PKD1L3: variants seen among roughly 807,000 people sequenced by gnomAD.
The protein encoded by PKD1L3 is polycystin-1-like protein 3.
Under a neutral mutation model 184.1 loss-of-function variants are expected in PKD1L3, and 239 were observed. The ratio of observed to expected loss-of-function variants is 1.30; its 90% CI spans 1.17 to 1.45. PKD1L3 has a LOEUF of 1.45. Among genes scored for constraint, PKD1L3 ranks in the 40% most tolerant of loss-of-function variants. The pLI, the probability that PKD1L3 is intolerant of heterozygous loss-of-function variation, is 0.00. For synonymous variants in PKD1L3, 996 were observed against 778.8 expected (o/e 1.28, Z -4.64); for missense variants, 2,660 against 2,067.2 (o/e 1.29, Z -5.56).
intron 28 of PKD1L3, chr16:71,931,235 A>T (rs2037950546): frequency 2.6e-5 from 4 of 152,042 alleles, no homozygotes; most frequent in African/African-American, 9.7e-5. Flanking sequence ...CAGCTTTAGG[A>T]TACGAAGTGC....
At chr16:71,953,204 G>C in intron 17 of PKD1L3, 111 bp from the exon 18 acceptor site, 1 of 896,674 alleles carries the variant, frequency 1.1e-6, no homozygotes, top group Non-Finnish European at 1.6e-6. Flanking sequence ...CGTTTATCTA[G>C]AGATAAAATT....
chr16:71,942,269 G>A (rs1270940790), intron 24 of PKD1L3, among the ~76,000 whole-genome samples: 4 of 152,094 alleles, frequency 2.6e-5, no homozygotes, highest in Admixed American at 6.6e-5. Flanking sequence ...GGAGGCAGAG[G>A]GTACAGAGAG....
intron 16 of PKD1L3, among the ~76,000 whole-genome samples, chr16:71,959,336 G>T (rs8046703): frequency 6.6e-6 from 1 of 151,862 alleles, no homozygotes; most frequent in Non-Finnish European, 1.5e-5. Flanking sequence ...CTTGAACCTG[G>T]GAGGTGGAGG....
intron 3 of PKD1L3, 35 bp downstream of exon 3, chr16:71,993,181 G>C (rs1472732426): frequency 7.1e-7 from 1 of 1,401,514 alleles, no homozygotes; most frequent in African/African-American, 1.5e-5. Context: ...TTGATTCCAC[G>C]GATTTTTAAG....
At chr16:71,935,316 C>T (rs2038135572) in intron 26 of PKD1L3, 42 bp downstream of exon 26, 8 of 1,521,008 alleles carry the variant, frequency 5.3e-6, no homozygotes, top group Non-Finnish European at 7.1e-6. Flanking sequence ...AAACTTTAGA[C>T]ATGAGGTAGG....
chr16:71,987,816 T>C (rs2040431967), intron 4 of PKD1L3, among the ~76,000 whole-genome samples: 1 of 152,094 alleles, frequency 6.6e-6, no homozygotes, highest in Non-Finnish European at 1.5e-5. Context: ...GGGACATTTT[T>C]GCTGAGTTGA....
rs1316407269 is a variant in PKD1L3, at chr16:71,977,559, T to TTC, written c.1528-93_1528-92insGA. On this transcript the variant is annotated intron_variant, in intron 10 of 29. Coordinates refer to ENST00000620267, the MANE Select transcript of PKD1L3 (RefSeq NM_181536.2). The stretch of plus-strand genomic sequence containing the variant: ...TGATAAGGTAAGGAAACGTCCTAGC[T>TTC]CTTTTTTTTTTTTTTTTTTTTGAGA... 48 of 700,922 alleles carry TTC rather than the reference T, an allele frequency of 6.8e-5. 1 individual carries two copies. The highest frequency in any genetic ancestry group is 3.8e-4 in the Middle Eastern group (1 of 2,660). The allele number at this position is 700,922 out of a possible 1,614,324, so 43.4% of individuals were successfully genotyped here.
chr16:71,931,359 G>A (rs1408419163), intron 28 of PKD1L3, among the ~76,000 whole-genome samples: 3 of 151,828 alleles, frequency 2.0e-5, no homozygotes, highest in Admixed American at 6.6e-5. Context: ...AGAGATTGGC[G>A]CCAGGGCCCC....
chr16:71,929,554 A>G lies in PKD1L3; in HGVS notation c.5183T>C (p.Leu1728Ser). ...TTAVGSDTEVLDELP is the reference protein window; with the variant it reads ...TTAVGSDTEVSDELP ...ATAACAGGATTAAGGTAGTTCATCT[A>G]AAACTTCAGTGTCACTGCCCACTGC... The change falls in exon 30 of 30, where the codon TTA becomes TCA. Residue 1728 changes from leucine to serine, a missense_variant. Leu to Ser is a moderately radical substitution (Grantham distance 145, BLOSUM62 -2). Transcript: ENST00000620267. The G allele has an allele frequency of 1.2e-5, 19 of 1,551,024 alleles. No individual in the cohort carries two copies. Among genetic ancestry groups the G allele is most frequent in the Non-Finnish European group, 1.6e-5 (18 of 1,146,806 alleles).
intron 28 of PKD1L3, among the ~76,000 whole-genome samples, chr16:71,932,780 C>CTTTTTTT (rs71153681): frequency 6.2e-5 from 6 of 97,092 alleles, no homozygotes; most frequent in African/African-American, 1.8e-4. Context: ...CGCACCTGGC[C>CTTTTTTT]TTTTTTTTTT....
At chr16:71,933,814 T>TACC in intron 27 of PKD1L3, 101 bp downstream of exon 27, 2 of 1,305,546 alleles carry the variant, frequency 1.5e-6, no homozygotes, top group South Asian at 2.7e-5. Flanking sequence ...TTTCCTACTG[T>TACC]ACCACCTCGG....
rs1432960043 is a variant in PKD1L3 at position 71,999,865 on chromosome 16, G to A, written c.114C>T (p.Asn38=). The A allele has an allele frequency of 3.9e-6, 6 of 1,551,612 alleles. No individual in the cohort carries two copies. The African/African-American group carries it at 8.2e-5, about 21-fold the overall frequency. Residue 38 remains asparagine, a synonymous_variant, in exon 1 of 30, where the codon AAC becomes AAT. Transcript: ENST00000620267. The stretch of plus-strand genomic sequence containing the variant: ...CTTCCTCAAAGCTGCATTGAAATCT[G>A]TTAAGCTGGTAACAATTATTTTGCC... ...PHGQNNCYQL[N]RFQCSFEEAQ... is the part of the protein sequence containing the mutation.
At chr16:71,938,318 C>T (rs745793968) in intron 24 of PKD1L3, among the ~76,000 whole-genome samples, 9 of 152,318 alleles carry the variant, frequency 5.9e-5, no homozygotes, top group Admixed American at 3.9e-4. Flanking sequence ...ACTTTGGACA[C>T]GGACAAGCAT....
At chr16:71,943,358 A>G (rs2038429179) in intron 23 of PKD1L3, among the ~76,000 whole-genome samples, 1 of 151,892 alleles carries the variant, frequency 6.6e-6, no homozygotes, top group Non-Finnish European at 1.5e-5. Flanking sequence ...CCAACATAGT[A>G]AAACCCCCCC....
At position 71,933,440 on chromosome 16, in the gene PKD1L3, C is replaced by T; in HGVS notation, c.4906G>A (p.Gly1636Arg). ...TTTACCTCCTCTTGGTGAGAAATTC[C>T]CATCAGGAGACCAACAACAGTCACT... ...SAVTVVGLLMGISHQEEVFAL... is the reference protein window; with the variant it reads ...SAVTVVGLLMRISHQEEVFAL... The change falls in exon 28 of 30, where the codon GGA (glycine) becomes AGA (arginine). Residue 1636 changes from glycine to arginine, a missense_variant. Coordinates refer to ENST00000620267, the MANE Select transcript of PKD1L3 (RefSeq NM_181536.2). 1 of 1,548,238 alleles carries T rather than the reference C, an allele frequency of 6.5e-7. No homozygotes were observed. The highest frequency in any genetic ancestry group is 1.2e-5 in the South Asian group (1 of 83,990).
chr16:71,992,178 C>A (rs529285469), intron 3 of PKD1L3, among the ~76,000 whole-genome samples: 3 of 152,158 alleles, frequency 2.0e-5, no homozygotes, highest in Admixed American at 2.0e-4. Flanking sequence ...AGATCCAGCC[C>A]GCAAACTTTT....
intron 10 of PKD1L3, 98 bp from the exon 11 acceptor site, chr16:71,977,565 T>A: frequency 1.1e-6 from 1 of 875,776 alleles, no homozygotes; most frequent in Non-Finnish European, 1.7e-6. Context: ...TAGCTCTTTT[T>A]TTTTTTTTTT....
At chr16:71,930,979 A>C (rs571718913) in intron 28 of PKD1L3, 2 of 152,332 alleles carry the variant, frequency 1.3e-5, no homozygotes, top group African/African-American at 4.8e-5. Flanking sequence ...GATTATTATA[A>C]CAATTTCAGG....
chr16:71,961,462 A>G (rs1336739075), intron 16 of PKD1L3, among the ~76,000 whole-genome samples: 2 of 152,142 alleles, frequency 1.3e-5, no homozygotes, highest in Non-Finnish European at 2.9e-5. Flanking sequence ...AGGACATAAA[A>G]GGCTAAAGCC....
Sources: gnomAD v4.1 joint callset for allele counts (sites outside exome capture counted in the v4.1 genomes callset) on GRCh38, gnomAD v4.1.1 for gene constraint, MANE v1.5 for transcripts, NCBI Gene and HGNC (gene_info 2026-07-23, HGNC 2026-07-21) for gene names.